Variants in TNR observed in about 807,000 individuals in gnomAD.
TNR encodes the protein tenascin-R.
A neutral mutation model predicts 150.4 loss-of-function variants in TNR; 45 were observed. The observed-to-expected ratio is 0.30, with a 90% CI of 0.24 to 0.38. The LOEUF (loss-of-function observed/expected upper bound fraction) is 0.38. Ranked by LOEUF, TNR falls within the 10% of genes least tolerant of loss-of-function variation. TNR has a pLI of 1.00. For missense variants in TNR, 1,544 were observed against 1,759.1 expected (o/e 0.88, Z 2.19); for synonymous variants, 687 against 678.4 (o/e 1.01, Z -0.20).
At chr1:175,611,546 C>G (rs1239571988) in intron 1 of TNR, among the ~76,000 whole-genome samples, 1 of 152,134 alleles carries the variant, frequency 6.6e-6, no homozygotes, top group African/African-American at 2.4e-5. Flanking sequence ...GTTGCTCAGG[C>G]TGTTCTGCAA....
Position 175,403,232 on chromosome 1 carries a change from C to T in TNR, c.884G>A (p.Arg295Gln), listed in dbSNP as rs954788201. Residue 295 changes from arginine (R) to glutamine (Q), a missense_variant, in exon 4 of 23, where the codon CGG (arginine) becomes CAG (glutamine). This residue lies in a region of TNR where 1,254 missense variants were observed against 1,329.4 expected (regional missense o/e 0.94). Transcript: ENST00000367674. ...CCCACTGCAGGCATTCAGACACTGC[C>T]GCTGGCCGCAGTCCTCACCAACGTA... is the stretch of plus-strand genomic sequence containing the variant. ...EGYVGEDCGQRQCLNACSGRG... is the reference protein window; with the variant it reads ...EGYVGEDCGQQQCLNACSGRG... 2.5e-5 allele frequency: 41 copies of T among 1,613,990 alleles called. No individual in the cohort carries two copies. The highest frequency in any genetic ancestry group is 3.3e-5 in the Admixed American group (2 of 59,992).
At chr1:175,582,410 G>A (rs1477122572) in intron 1 of TNR, among the ~76,000 whole-genome samples, 5 of 152,198 alleles carry the variant, frequency 3.3e-5, no homozygotes, top group Admixed American at 3.3e-4. Flanking sequence ...ACAAATTAGA[G>A]GAAGAAGTTC....
Position 175,386,452 on chromosome 1 carries a change from A to G in TNR, c.1508-151T>C. The G allele has an allele frequency of 5.6e-6, 5 of 898,222 alleles. No individual in the cohort carries two copies. The South Asian group carries it at 1.2e-4, about 21-fold the overall frequency. 55.6% of individuals were successfully genotyped at this position (898,222 alleles called of 1,614,324 possible). A position where few individuals can be genotyped will look rare whatever the true frequency, so the allele number is the denominator to read the frequency against. On this transcript the variant is annotated intron_variant, in intron 7 of 22. Coordinates refer to ENST00000367674, the MANE Select transcript of TNR (RefSeq NM_003285.3). The stretch of plus-strand genomic sequence containing the variant: ...TTTACAGATGAGGAAAATGAGACAC[A>G]GTAAGATGAATATCTTTCCTGAGGA...
intron 1 of TNR, among the ~76,000 whole-genome samples, chr1:175,640,791 GTA>G (rs59240572): frequency 1.1e-3 from 156 of 142,948 alleles, no homozygotes; most frequent in Middle Eastern, 3.6e-3. Context: ...GTGTGTGTGG[GTA>G]TATATATATA....
Position 175,706,625 on chromosome 1 carries a change from G to A in TNR, c.-165+36601C>T, listed in dbSNP as rs376826013. On this transcript the variant is annotated intron_variant, in intron 1 of 22. Coordinates refer to ENST00000367674, the MANE Select transcript of TNR (RefSeq NM_003285.3). ...ACAGGATAGAAACATACCATCTCCC[G>A]AGGGAACCACCTTCTGATGGGCCTA... Among the ~76,000 whole-genome samples, 18 of 152,080 alleles carry A rather than the reference G, an allele frequency of 1.2e-4. No individual in the cohort carries two copies. The South Asian group carries it at 3.1e-3, about 26-fold the overall frequency.
intron 1 of TNR, among the ~76,000 whole-genome samples, chr1:175,697,541 G>A (rs10913060): frequency 0.1 from 15,444 of 152,138 alleles, 1,089 homozygotes; most frequent in African/African-American, 0.19. Context: ...CCCCCCACAG[G>A]TTGACTATGC....
intron 1 of TNR, among the ~76,000 whole-genome samples, chr1:175,592,920 GT>G (rs1333178763): frequency 6.6e-6 from 1 of 152,196 alleles, no homozygotes; most frequent in African/African-American, 2.4e-5. Flanking sequence ...GGGCAAACTG[GT>G]TTTTCTGGGA....
intron 1 of TNR, among the ~76,000 whole-genome samples, chr1:175,675,535 T>G (rs1417672052): frequency 6.6e-6 from 1 of 152,200 alleles, no homozygotes; most frequent in Non-Finnish European, 1.5e-5. Flanking sequence ...GGTATCATGG[T>G]GGTTCCACAC....
rs559745245 is a variant in TNR at position 175,440,197 on chromosome 1, A to G, written c.-63-33420T>C. Among the ~76,000 whole-genome samples the G allele has an allele frequency of 1.1e-4, 17 of 152,328 alleles. No individual in the cohort carries two copies. The South Asian group carries it at 3.5e-3, about 32-fold the overall frequency. On this transcript the variant is annotated intron_variant, in intron 2 of 22. Transcript: ENST00000367674. ...ACGCCATGGAATACTATGCAGCCAT[A>G]AAAGATGATGAGTTCATGTCCTTTA...
intron 2 of TNR, among the ~76,000 whole-genome samples, chr1:175,416,717 A>G (rs1027747608): frequency 6.6e-5 from 10 of 152,156 alleles, no homozygotes; most frequent in Non-Finnish European, 1.3e-4. Flanking sequence ...GGTTTGAAAT[A>G]TAAGAAGTGG....
At chr1:175,741,329 T>C (rs1667923986) in intron 1 of TNR, among the ~76,000 whole-genome samples, 2 of 152,206 alleles carry the variant, frequency 1.3e-5, no homozygotes. Context: ...ACTGAGCACT[T>C]TTTTTTCAGA....
intron 1 of TNR, among the ~76,000 whole-genome samples, chr1:175,560,530 G>A (rs1661381863): frequency 6.6e-6 from 1 of 152,198 alleles, no homozygotes; most frequent in African/African-American, 2.4e-5. Context: ...CAATCTGGTG[G>A]AATATGGAAA....
chr1:175,450,285 ACTCT>A (rs746478583), intron 2 of TNR, among the ~76,000 whole-genome samples: 1 of 151,632 alleles, frequency 6.6e-6, no homozygotes, highest in East Asian at 1.9e-4. Flanking sequence ...CTTCACAGTC[ACTCT>A]CTCTGTTCCT....
At chr1:175,476,347 T>A (rs777460576) in intron 2 of TNR, among the ~76,000 whole-genome samples, 21 of 152,220 alleles carry the variant, frequency 1.4e-4, no homozygotes, top group Non-Finnish European at 2.2e-4. Flanking sequence ...AGGTGATGTA[T>A]GGCAAAAGTA....
intron 17 of TNR, among the ~76,000 whole-genome samples, chr1:175,354,841 G>C (rs1208822311): frequency 6.6e-6 from 1 of 152,170 alleles, no homozygotes; most frequent in Non-Finnish European, 1.5e-5. Context: ...GGGATCTAAG[G>C]CCTCCTTACT....
intron 1 of TNR, among the ~76,000 whole-genome samples, chr1:175,620,977 G>A (rs918570255): frequency 6.6e-6 from 1 of 152,320 alleles, no homozygotes; most frequent in Non-Finnish European, 1.5e-5. Context: ...AGAGCACTCT[G>A]AATGCCTCCA....
chr1:175,470,622 T>C (rs1450782986), intron 2 of TNR, among the ~76,000 whole-genome samples: 1 of 152,218 alleles, frequency 6.6e-6, no homozygotes, highest in Non-Finnish European at 1.5e-5. Flanking sequence ...GGGGTATCTA[T>C]CCCTTCAAAC....
intron 2 of TNR, among the ~76,000 whole-genome samples, chr1:175,517,653 G>C (rs534490536): frequency 1.3e-5 from 2 of 152,180 alleles, no homozygotes; most frequent in South Asian, 4.1e-4. Context: ...TGTAAAAGCT[G>C]TCCTATTGGT....
Position 175,698,445 on chromosome 1 carries a change from G to A in TNR, c.-165+44781C>T, listed in dbSNP as rs145162463. On this transcript the variant is annotated intron_variant, in intron 1 of 22. Transcript: ENST00000367674. ...GTGCAAAGGTGCTGACATCCTTGAC[G>A]TGTCCAAGAGATGGTGAGGAGACCA... Among the ~76,000 whole-genome samples, 75 of 152,264 alleles carry A rather than the reference G, an allele frequency of 4.9e-4. No homozygotes were observed. In the East Asian group the frequency reaches 7.0e-3, roughly 14 times the overall value.
Sources: gnomAD v4.1 joint callset for allele counts (sites outside exome capture counted in the v4.1 genomes callset) on GRCh38, gnomAD v4.1.1 for gene constraint, gnomAD v4.1.1 regional missense constraint, MANE v1.5 for transcripts, NCBI Gene and HGNC (gene_info 2026-07-23, HGNC 2026-07-21) for gene names.